Variants in CSMD2 observed in about 807,000 individuals in gnomAD.
CSMD2 encodes the protein CUB and sushi domain-containing protein 2.
Under a neutral mutation model 398.5 loss-of-function variants are expected in CSMD2, and 130 were observed. That is an observed-to-expected ratio of 0.33 (90% confidence interval 0.28 to 0.38). The LOEUF is 0.38. Among genes scored for constraint, CSMD2 ranks in the 10% least tolerant of loss-of-function variants. The pLI is 1.00. For missense variants in CSMD2, 3,829 were observed against 4,764.9 expected, an observed-to-expected ratio of 0.80 and a Z score of 5.78; for synonymous variants, 1,828 against 1,908.5, an observed-to-expected ratio of 0.96 and a Z score of 1.10.
At chr1:33,626,005 T>A (rs575237401) in intron 33 of CSMD2, among the ~76,000 whole-genome samples, 1 of 152,212 alleles carries the variant, frequency 6.6e-6, no homozygotes, top group Non-Finnish European at 1.5e-5. Context: ...TGCCCGCTCC[T>A]TACAGGTGAG....
intron 3 of CSMD2, among the ~76,000 whole-genome samples, chr1:34,032,241 CT>C (rs1414967548): frequency 2.0e-5 from 3 of 152,054 alleles, no homozygotes; most frequent in Non-Finnish European, 4.4e-5. Flanking sequence ...GTTTATATGT[CT>C]TTTATTTTCA....
chr1:33,536,282 G>A (rs779029338), intron 62 of CSMD2, among the ~76,000 whole-genome samples: 150 of 152,108 alleles, frequency 9.9e-4, no homozygotes, highest in Non-Finnish European at 1.7e-3. Context: ...GGAGTGCAGT[G>A]GTGCGATCTT....
At position 34,027,035 on chromosome 1, in the gene CSMD2, G is replaced by A. The variant is rs189148542; in HGVS notation, c.517+5559C>T. ...CTTCACACAGAAGAAGCCTCTCCAA[G>A]CATGGCACCAAAAATAGATAGCATA... On this transcript the variant is annotated intron_variant, in intron 3 of 70. Coordinates refer to ENST00000373381, the MANE Select transcript of CSMD2 (RefSeq NM_001281956.2). Among the ~76,000 whole-genome samples, 800 of 152,202 alleles carry A rather than the reference G, an allele frequency of 5.3e-3. 7 individuals carry two copies. Among genetic ancestry groups the A allele is most frequent in the Non-Finnish European group, 7.5e-3 (508 of 68,026 alleles).
rs1656859801 is a variant in CSMD2 at position 33,546,090 on chromosome 1, T to G, written c.9047A>C (p.Glu3016Ala). 6.2e-7 allele frequency: 1 copy of G among 1,613,994 alleles called. No homozygotes were observed. Among genetic ancestry groups the G allele is most frequent in the Non-Finnish European group, 8.5e-7 (1 of 1,180,026 alleles). ...CGAGCCATTGGCTTGACAGGTGCGC[T>G]CTGACGATCCCCGGAGCACGTGGCC... ...EAGHVLRGSS[E>A]RTCQANGSWS... The change falls in exon 57 of 71, where the codon GAG becomes GCG. Residue 3016 changes from glutamate (E) to alanine (A), a missense_variant. This residue lies in a region of CSMD2 where 917 missense variants were observed against 1,199.5 expected (regional missense o/e 0.76). Transcript: ENST00000373381.
At chr1:33,998,807 T>C (rs1416101518) in intron 3 of CSMD2, among the ~76,000 whole-genome samples, 1 of 152,228 alleles carries the variant, frequency 6.6e-6, no homozygotes, top group Non-Finnish European at 1.5e-5. Flanking sequence ...GGTTCTTCCC[T>C]GAGCAGGGCC....
intron 42 of CSMD2, among the ~76,000 whole-genome samples, chr1:33,602,764 G>T (rs1493988): frequency 0.56 from 84,698 of 151,938 alleles, 24,118 homozygotes; most frequent in South Asian, 0.62. Context: ...CATCACTGCA[G>T]GCCCCTCTGT....
At chr1:34,116,160 TA>T (rs771848996) in intron 1 of CSMD2, among the ~76,000 whole-genome samples, 5 of 152,040 alleles carry the variant, frequency 3.3e-5, no homozygotes, top group Admixed American at 6.6e-5. Context: ...ATAAAGTAGT[TA>T]AACTGACTTA....
At chr1:33,552,157 T>C (rs930806312) in intron 55 of CSMD2, among the ~76,000 whole-genome samples, 2 of 152,208 alleles carry the variant, frequency 1.3e-5, no homozygotes, top group African/African-American at 2.4e-5. Context: ...AAAAATATGC[T>C]TAACACGATT....
chr1:33,561,240 G>A (rs1161313309), intron 53 of CSMD2, among the ~76,000 whole-genome samples: 1 of 152,088 alleles, frequency 6.6e-6, no homozygotes, highest in African/African-American at 2.4e-5. Flanking sequence ...TCCAGTGGAG[G>A]GAGCCAGGAA....
intron 1 of CSMD2, among the ~76,000 whole-genome samples, chr1:34,103,489 G>A (rs1032399534): frequency 5.3e-5 from 8 of 151,952 alleles, no homozygotes; most frequent in African/African-American, 7.2e-5. Flanking sequence ...TAGTAGAGAC[G>A]GGGTTTCACC....
At chr1:33,904,863 G>A (rs908872844) in intron 5 of CSMD2, among the ~76,000 whole-genome samples, 6 of 152,108 alleles carry the variant, frequency 3.9e-5, no homozygotes, top group Non-Finnish European at 1.5e-5. Flanking sequence ...AGCCAGGATG[G>A]TCTCAATCTC....
intron 55 of CSMD2, among the ~76,000 whole-genome samples, chr1:33,556,961 T>C (rs1398226831): frequency 1.3e-5 from 2 of 152,238 alleles, no homozygotes; most frequent in Non-Finnish European, 2.9e-5. Flanking sequence ...CTTTCCTTTA[T>C]AAATTACCCA....
chr1:33,799,898 C>G (rs1046774489), intron 10 of CSMD2, among the ~76,000 whole-genome samples: 16 of 152,196 alleles, frequency 1.1e-4, no homozygotes, highest in African/African-American at 3.9e-4. Flanking sequence ...ACCTCCCAGT[C>G]AATTACGACC....
At chr1:33,989,497 T>C (rs1205300864) in intron 3 of CSMD2, among the ~76,000 whole-genome samples, 2 of 152,164 alleles carry the variant, frequency 1.3e-5, no homozygotes, top group South Asian at 2.1e-4. Flanking sequence ...AAATGAAACA[T>C]ATAATCACAC....
chr1:33,963,061 G>A (rs1305243566), intron 3 of CSMD2, among the ~76,000 whole-genome samples: 1 of 152,220 alleles, frequency 6.6e-6, no homozygotes, highest in Non-Finnish European at 1.5e-5. Flanking sequence ...CTGCCTGAGA[G>A]TGCAGATCTT....
intron 24 of CSMD2, among the ~76,000 whole-genome samples, chr1:33,696,350 G>A (rs528115744): frequency 4.6e-5 from 7 of 152,316 alleles, no homozygotes; most frequent in East Asian, 1.9e-4. Flanking sequence ...TCATGGACCC[G>A]TTGGTTTCAC....
At chr1:33,612,012 T>C (rs1461389890) in intron 40 of CSMD2, among the ~76,000 whole-genome samples, 3 of 152,238 alleles carry the variant, frequency 2.0e-5, no homozygotes, top group Middle Eastern at 3.2e-3. Context: ...GTATGCTGTA[T>C]ACAATTCTAA....
rs1658185943 is a variant in CSMD2, at chr1:33,557,899, G to A, written c.8578C>T (p.His2860Tyr). The change falls in exon 55 of 71, where the codon CAC becomes TAC. Residue 2860 changes from histidine (H) to tyrosine (Y), a missense_variant. Physicochemically the swap from His to Tyr is moderately conservative, Grantham distance 83. Coordinates refer to ENST00000373381, the MANE Select transcript of CSMD2 (RefSeq NM_001281956.2). ...CRIINCTDPG[H>Y]QENSVRQVHA... ...ACCTGACGAACACTATTTTCTTGGT[G>A]TCCAGGATCTGTACAGTTGATGACT... The A allele has an allele frequency of 6.5e-7, 1 of 1,536,206 alleles. No homozygotes were observed. The highest frequency in any genetic ancestry group is 8.7e-7 in the Non-Finnish European group (1 of 1,146,918).
Position 34,163,336 on chromosome 1 carries a change from GCA to G in CSMD2, c.187+1573_187+1574del, listed in dbSNP as rs759852194. Among the ~76,000 whole-genome samples, 115 of 152,302 alleles carry G rather than the reference GCA, an allele frequency of 7.6e-4. 3 individuals carry two copies. The highest frequency in any genetic ancestry group is 6.2e-4 in the South Asian group (3 of 4,822). On this transcript the variant is annotated intron_variant, in intron 1 of 70. Coordinates refer to ENST00000373381, the MANE Select transcript of CSMD2 (RefSeq NM_001281956.2). The surrounding 1 kb of genome is among the most constrained non-coding windows in gnomAD (Gnocchi z 5.4). ...GAGAGGCCAGAGCTCCCAGGCGCGC[GCA>G]CCGCGGGCGCCCCTCTCTGGGTGTC...
Sources: allele counts gnomAD v4.1 joint callset (sites outside exome capture counted in the v4.1 genomes callset), GRCh38; gene constraint gnomAD v4.1.1; regional missense constraint gnomAD v4.1.1; non-coding constraint Gnocchi (gnomAD v3.1); transcripts MANE v1.5; gene names NCBI Gene and HGNC (gene_info 2026-07-23, HGNC 2026-07-21).